DNAH17: variants seen among roughly 807,000 people sequenced by gnomAD.
DNAH17 encodes the protein dynein axonemal heavy chain 17.
In DNAH17, 376 loss-of-function variants were observed where a neutral mutation model predicts 485.6. The observed-to-expected ratio is 0.77, with a 90% CI of 0.71 to 0.84. The LOEUF (loss-of-function observed/expected upper bound fraction) is 0.84, where lower values mean the gene tolerates loss of function less well. Ranked by LOEUF, DNAH17 falls within the 40% of genes least tolerant of loss-of-function variation. The pLI, the probability that DNAH17 is intolerant of heterozygous loss-of-function variation, is 0.00. For missense variants in DNAH17, 6,370 were observed against 5,839.3 expected (o/e 1.09, Z -2.96); for synonymous variants, 3,031 against 2,405.9 (o/e 1.26, Z -7.60).
chr17:78,460,046 G>C, intron 59 of DNAH17, 45 bp from the exon 60 acceptor site: 1 of 1,606,364 alleles, frequency 6.2e-7, no homozygotes, highest in Non-Finnish European at 8.5e-7. Flanking sequence ...TTTGGACCGG[G>C]TCCTCGGTGA....
At chr17:78,444,989 G>A (rs1460488329) in intron 70 of DNAH17, among the ~76,000 whole-genome samples, 192 bp from the exon 71 acceptor site, 3 of 152,098 alleles carry the variant, frequency 2.0e-5, no homozygotes, top group Admixed American at 6.5e-5. Flanking sequence ...CCAGGACAGC[G>A]CCGGGAGCCT....
At chr17:78,523,950 G>A (rs2143223784) in intron 25 of DNAH17, among the ~76,000 whole-genome samples, 1 of 152,214 alleles carries the variant, frequency 6.6e-6, no homozygotes, top group East Asian at 1.9e-4. Context: ...AAATATGCTG[G>A]CATCGTTAGT....
At chr17:78,457,484 C>T (rs1448894790) in intron 62 of DNAH17, among the ~76,000 whole-genome samples, 8 of 152,054 alleles carry the variant, frequency 5.3e-5, no homozygotes, top group East Asian at 3.8e-4. Context: ...ATATTAGTTA[C>T]GTGTTGAAAT....
At chr17:78,545,417 T>C (rs1010078921) in intron 16 of DNAH17, among the ~76,000 whole-genome samples, 1 of 152,212 alleles carries the variant, frequency 6.6e-6, no homozygotes, top group Non-Finnish European at 1.5e-5. Context: ...GTTAGAAATC[T>C]GAGATCAAGG....
chr17:78,475,759 T>G lies in DNAH17; in HGVS notation c.8229A>C (p.Lys2743Asn), dbSNP rs1240010860. 1.2e-6 allele frequency: 2 copies of G among 1,613,846 alleles called. No individual in the cohort carries two copies. The highest frequency in any genetic ancestry group is 1.7e-6 in the Non-Finnish European group (2 of 1,179,888). Residue 2743 changes from lysine to asparagine, a missense_variant, in exon 53 of 81, where the codon AAA (lysine) becomes AAC (asparagine). Transcript: ENST00000389840. ...CHFAQGIGDP[K>N]YVPVTDMAPL... ...GAGCCATGTCGGTTACAGGAACATA[T>G]TTGGGATCGCCAATCCCTTGAGCAA...
At chr17:78,506,531 G>T (rs2090489029) in intron 30 of DNAH17, among the ~76,000 whole-genome samples, 189 bp downstream of exon 30, 1 of 152,190 alleles carries the variant, frequency 6.6e-6, no homozygotes, top group Admixed American at 6.5e-5. Context: ...CAGGATGTGA[G>T]GCGAGTCCTG....
rs149167915 is a variant in DNAH17, at chr17:78,477,228, C to T, written c.7993-495G>A. Among the ~76,000 whole-genome samples, 344 of 152,166 alleles carry T rather than the reference C, an allele frequency of 2.3e-3. 1 individual carries two copies. The highest frequency in any genetic ancestry group is 7.7e-3 in the African/African-American group (321 of 41,510). On this transcript the variant is annotated intron_variant, in intron 51 of 80. Transcript: ENST00000389840. ...TGACGCTGTGGAGTTGACATGCTAG[C>T]GGGGGAGGTGGCCAGGTACACAAAG...
intron 49 of DNAH17, among the ~76,000 whole-genome samples, chr17:78,480,376 A>G (rs962473641): frequency 2.0e-5 from 3 of 152,140 alleles, no homozygotes; most frequent in South Asian, 2.1e-4. Flanking sequence ...ACAAAAAAAG[A>G]ACGGTATGTC....
In DNAH17 at chr17:78,445,592, T is replaced by A; in HGVS notation, c.11300A>T (p.Asp3767Val). ...PFKAGVVSPV[D>V]FLQHQGWGGI... is the part of the protein sequence containing the mutation. ...GCCCCAGCCTTGATGCTGGAGGAAG[T>A]CCACTGGTGAGACCACTCCGGCCTT... Residue 3767 changes from aspartate to valine, a missense_variant, in exon 70 of 81, where the codon GAC becomes GTC. Physicochemically the swap from Asp to Val is radical, Grantham distance 152. Transcript: ENST00000389840. 6.4e-7 allele frequency: 1 copy of A among 1,563,658 alleles called. No individual in the cohort carries two copies. Among genetic ancestry groups the A allele is most frequent in the Non-Finnish European group, 8.7e-7 (1 of 1,153,648 alleles).
intron 25 of DNAH17, among the ~76,000 whole-genome samples, chr17:78,517,726 G>T (rs1240759966): frequency 6.6e-6 from 1 of 152,206 alleles, no homozygotes; most frequent in Admixed American, 6.6e-5. Flanking sequence ...AAGCCTGCTG[G>T]CATTCTTTAA....
chr17:78,543,944 C>G lies in DNAH17; in HGVS notation c.2445G>C (p.Leu815=). The G allele has an allele frequency of 6.2e-7, 1 of 1,614,062 alleles. No homozygotes were observed. Among genetic ancestry groups the G allele is most frequent in the Admixed American group, 1.7e-5 (1 of 60,028 alleles). The change falls in exon 17 of 81, where the codon CTG becomes CTC. Residue 815 remains leucine, a synonymous_variant. Coordinates refer to ENST00000389840, the MANE Select transcript of DNAH17 (RefSeq NM_173628.4). ...TGGCAATTCTTCCATCCAAGTCTAA[C>G]AGGGCCTCTTTCTTATTGTCCTTTC... ...FERKDNKKEA[L]LDLDGRIANL...
At chr17:78,504,107 C>T (rs1178070180) in intron 31 of DNAH17, among the ~76,000 whole-genome samples, 1 of 151,786 alleles carries the variant, frequency 6.6e-6, no homozygotes, top group Non-Finnish European at 1.5e-5. Flanking sequence ...ACTCTATTAC[C>T]CAGACTGGAG....
chr17:78,551,326 G>A (rs1469356375), intron 16 of DNAH17, among the ~76,000 whole-genome samples: 1 of 152,244 alleles, frequency 6.6e-6, no homozygotes, highest in Admixed American at 6.5e-5. Flanking sequence ...TCAGCAGAAT[G>A]GAGCAGAACT....
intron 10 of DNAH17, 99 bp downstream of exon 10, chr17:78,566,900 G>GCTT: frequency 2.8e-6 from 4 of 1,435,510 alleles, no homozygotes; most frequent in Non-Finnish European, 3.8e-6. Flanking sequence ...CCTGGCACCT[G>GCTT]CTTCCTCCGT....
At chr17:78,549,349 C>G (rs1372504706) in intron 16 of DNAH17, among the ~76,000 whole-genome samples, 1 of 152,128 alleles carries the variant, frequency 6.6e-6, no homozygotes, top group African/African-American at 2.4e-5. Flanking sequence ...GGGCCCTCAC[C>G]AGGAACTCAG....
In DNAH17 at chr17:78,571,796, G is replaced by A; in HGVS notation, c.540-14C>T. The stretch of plus-strand genomic sequence containing the variant: ...GAAGAGGGGATCCTGCCCAGTGGAA[G>A]GTTGGGGCATTGCTCTCATGGCGAC... On this transcript the variant is annotated splice_polypyrimidine_tract_variant and intron_variant, in intron 3 of 80. Coordinates refer to ENST00000389840, the MANE Select transcript of DNAH17 (RefSeq NM_173628.4). 6.4e-7 allele frequency: 1 copy of A among 1,562,488 alleles called. No individual in the cohort carries two copies. Among genetic ancestry groups the A allele is most frequent in the Non-Finnish European group, 8.7e-7 (1 of 1,153,488 alleles).
rs1264316948 is a variant in DNAH17, at chr17:78,537,491, G to A, written c.2677-10C>T. The A allele has an allele frequency of 4.3e-6, 7 of 1,612,422 alleles. No homozygotes were observed. The Admixed American group carries it at 6.7e-5, about 15-fold the overall frequency. On this transcript the variant is annotated splice_polypyrimidine_tract_variant and intron_variant, in intron 18 of 80. Coordinates refer to ENST00000389840, the MANE Select transcript of DNAH17 (RefSeq NM_173628.4). ...GGGGAGCGATACTCTCCTGAAAGAG[G>A]GGTGGGGTTGGCAGTGGTCAACACC...
At chr17:78,540,049 C>G (rs370667904) in intron 17 of DNAH17, among the ~76,000 whole-genome samples, 169 bp from the exon 18 acceptor site, 1 of 152,148 alleles carries the variant, frequency 6.6e-6, no homozygotes, top group East Asian at 1.9e-4. Flanking sequence ...AGGCTTTGCA[C>G]GGCTGCTCCC....
chr17:78,469,551 A>G (rs2146569706), intron 54 of DNAH17, among the ~76,000 whole-genome samples: 1 of 152,270 alleles, frequency 6.6e-6, no homozygotes, highest in South Asian at 2.1e-4. Flanking sequence ...GGAGCTCAAG[A>G]CCAGCCTGAG....
Sources: allele counts gnomAD v4.1 joint callset (sites outside exome capture counted in the v4.1 genomes callset), GRCh38; gene constraint gnomAD v4.1.1; transcripts MANE v1.5; gene names NCBI Gene and HGNC (gene_info 2026-07-23, HGNC 2026-07-21).